CRIM1: variants seen among roughly 807,000 people sequenced by gnomAD.
The protein encoded by CRIM1 is cysteine rich transmembrane BMP regulator 1.
Under a neutral mutation model 116.4 loss-of-function variants are expected in CRIM1, and 32 were observed. That is an observed-to-expected ratio of 0.27 (90% CI 0.21 to 0.37). CRIM1 has a LOEUF of 0.37. CRIM1 is among the 10% of genes least tolerant of loss of function. The pLI is 1.00. For missense variants in CRIM1, 1,331 were observed against 1,354.8 expected (o/e 0.98, Z 0.28); for synonymous variants, 590 against 509.2 (o/e 1.16, Z -2.13).
chr2:36,490,926 A>G (rs1397983714), intron 7 of CRIM1, among the ~76,000 whole-genome samples: 1 of 152,062 alleles, frequency 6.6e-6, no homozygotes, highest in East Asian at 1.9e-4. Context: ...GCACGTGTGC[A>G]TTCTGCTATG....
chr2:36,385,350 T>A (rs1671096373), intron 1 of CRIM1, among the ~76,000 whole-genome samples: 1 of 152,194 alleles, frequency 6.6e-6, no homozygotes, highest in African/African-American at 2.4e-5. Context: ...GTTGTTATCC[T>A]GAAAAGATTC....
At chr2:36,360,771 A>T (rs372233354) in intron 1 of CRIM1, among the ~76,000 whole-genome samples, 1 of 152,202 alleles carries the variant, frequency 6.6e-6, no homozygotes, top group East Asian at 1.9e-4. Flanking sequence ...ACTCTGTAGT[A>T]GGGCCTGAAG....
intron 13 of CRIM1, among the ~76,000 whole-genome samples, chr2:36,535,994 G>T (rs1034913259): frequency 2.0e-5 from 3 of 152,154 alleles, no homozygotes; most frequent in Non-Finnish European, 4.4e-5. Context: ...GGTATCCATG[G>T]GGTCCTAGAA....
intron 4 of CRIM1, among the ~76,000 whole-genome samples, chr2:36,454,161 A>G (rs920634995): frequency 2.6e-5 from 4 of 152,044 alleles, no homozygotes; most frequent in Admixed American, 1.3e-4. Context: ...TCCTGCCAGT[A>G]CCCCCATAAT....
chr2:36,384,990 T>A (rs1055565419), intron 1 of CRIM1, among the ~76,000 whole-genome samples: 1 of 152,196 alleles, frequency 6.6e-6, no homozygotes, highest in Non-Finnish European at 1.5e-5. Flanking sequence ...CACTGTTTAT[T>A]GAATATTGGT....
chr2:36,415,132 G>C (rs1673508485), intron 2 of CRIM1, among the ~76,000 whole-genome samples: 1 of 152,154 alleles, frequency 6.6e-6, no homozygotes, highest in African/African-American at 2.4e-5. Flanking sequence ...GGCTCAATTA[G>C]GTTGGATTTG....
At chr2:36,530,850 C>G (rs1223952321) in intron 13 of CRIM1, among the ~76,000 whole-genome samples, 1 of 152,200 alleles carries the variant, frequency 6.6e-6, no homozygotes, top group Non-Finnish European at 1.5e-5. Flanking sequence ...CGCGTCTTTT[C>G]CAGACACTGG....
At chr2:36,485,424 TGTC>T (rs775917157) in intron 7 of CRIM1, among the ~76,000 whole-genome samples, 13 of 152,168 alleles carry the variant, frequency 8.5e-5, no homozygotes, top group Non-Finnish European at 1.3e-4. Context: ...TCAAATATAT[TGTC>T]GTCTTCTTCA....
intron 1 of CRIM1, among the ~76,000 whole-genome samples, chr2:36,366,410 G>GA (rs147527027): frequency 0.016 from 2,403 of 149,998 alleles, 63 homozygotes; most frequent in African/African-American, 0.056. Flanking sequence ...GAATATTTAA[G>GA]AAAAAAAAAT....
chr2:36,370,763 G>C (rs575364722), intron 1 of CRIM1, among the ~76,000 whole-genome samples: 3 of 152,244 alleles, frequency 2.0e-5, no homozygotes, highest in African/African-American at 7.2e-5. Context: ...ATGACCACTA[G>C]TTAAGAAGGA....
At chr2:36,386,070 A>G (rs575291949) in intron 1 of CRIM1, among the ~76,000 whole-genome samples, 6 of 152,304 alleles carry the variant, frequency 3.9e-5, no homozygotes, top group African/African-American at 1.4e-4. Context: ...CTAGTGGTTC[A>G]CACTTTTGGA....
intron 15 of CRIM1, among the ~76,000 whole-genome samples, chr2:36,545,417 G>C (rs1384368297): frequency 6.6e-6 from 1 of 152,082 alleles, no homozygotes; most frequent in Non-Finnish European, 1.5e-5. Flanking sequence ...CCCTGTTCTA[G>C]AGGCTAGACT....
intron 7 of CRIM1, among the ~76,000 whole-genome samples, chr2:36,497,579 A>G (rs1328100427): frequency 2.0e-5 from 3 of 152,224 alleles, no homozygotes; most frequent in African/African-American, 7.2e-5. Flanking sequence ...TTTGATGTTT[A>G]CAGTTATCTG....
intron 7 of CRIM1, among the ~76,000 whole-genome samples, chr2:36,487,811 A>C (rs11888819): frequency 0.27 from 41,712 of 151,968 alleles, 5,944 homozygotes; most frequent in South Asian, 0.41. Flanking sequence ...AAAAAAATCA[A>C]TTCACCTACT....
chr2:36,425,841 A>C (rs1188984180), intron 2 of CRIM1, among the ~76,000 whole-genome samples: 3 of 152,236 alleles, frequency 2.0e-5, no homozygotes, highest in Non-Finnish European at 4.4e-5. Flanking sequence ...AGAGCCTTGC[A>C]ATTCATTGCT....
chr2:36,507,571 A>C (rs1231826642), intron 8 of CRIM1, among the ~76,000 whole-genome samples: 1 of 152,210 alleles, frequency 6.6e-6, no homozygotes, highest in African/African-American at 2.4e-5. Flanking sequence ...CCAGAGCATA[A>C]CATGCAGGAG....
intron 8 of CRIM1, among the ~76,000 whole-genome samples, chr2:36,500,544 C>G (rs932701988): frequency 2.6e-5 from 4 of 152,074 alleles, no homozygotes; most frequent in African/African-American, 9.7e-5. Flanking sequence ...TATAAATACC[C>G]GGCCAAATAT....
chr2:36,545,897 C>T (rs1190255301), intron 15 of CRIM1, among the ~76,000 whole-genome samples: 1 of 152,118 alleles, frequency 6.6e-6, no homozygotes, highest in Non-Finnish European at 1.5e-5. Flanking sequence ...TACTCTTTGA[C>T]ATTTTTCTTG....
At chr2:36,460,018 C>T (rs1255477882) in intron 4 of CRIM1, among the ~76,000 whole-genome samples, 1 of 152,022 alleles carries the variant, frequency 6.6e-6, no homozygotes, top group Non-Finnish European at 1.5e-5. Context: ...GGGGTGAGTG[C>T]CCTCTAGGGG....
Sources: allele counts gnomAD v4.1 joint callset (sites outside exome capture counted in the v4.1 genomes callset), GRCh38; gene constraint gnomAD v4.1.1; transcripts MANE v1.5; gene names NCBI Gene and HGNC (gene_info 2026-07-23, HGNC 2026-07-21).